Variants in ZFHX3 observed in about 807,000 individuals in gnomAD.
ZFHX3 encodes the protein zinc finger homeobox protein 3.
Under a neutral mutation model 279.1 loss-of-function variants are expected in ZFHX3, and 42 were observed. The observed-to-expected ratio is 0.15, with a 90% confidence interval of 0.12 to 0.19. The LOEUF (loss-of-function observed/expected upper bound fraction) is 0.19, where lower values mean the gene tolerates loss of function less well. Ranked by LOEUF, ZFHX3 falls within the 10% of genes least tolerant of loss-of-function variation. ZFHX3 has a pLI of 1.00. For missense variants in ZFHX3, 4,981 were observed against 4,754.0 expected (o/e 1.05, Z -1.40); for synonymous variants, 2,293 against 1,957.8 (o/e 1.17, Z -4.52).
In ZFHX3 at chr16:72,959,191, T is replaced by C. The variant is rs1230060575; in HGVS notation, c.955A>G (p.Asn319Asp). ...LSEDERKILS[N>D]KNISAIIQGI... ...TGGATGATAGCGGAGATGTTCTTAT[T>C]GCTAAGAATTTTCCGCTCGTCTTCG... Residue 319 changes from asparagine to aspartate, a missense_variant, in exon 2 of 10, where the codon AAT becomes GAT. By Grantham distance (23) the Asn-to-Asp change is conservative. Around this residue, in one of 7 missense-constraint regions of ZFHX3, gnomAD observed 1,068 missense variants for 935.2 expected, o/e 1.14. Transcript: ENST00000268489. 1 of 1,614,222 alleles carries C rather than the reference T, an allele frequency of 6.2e-7. No individual in the cohort carries two copies. Among genetic ancestry groups the C allele is most frequent in the Admixed American group, 1.7e-5 (1 of 60,034 alleles).
intron 1 of ZFHX3, among the ~76,000 whole-genome samples, chr16:73,775,099 A>G (rs1484388006): frequency 6.6e-6 from 1 of 152,212 alleles, no homozygotes; most frequent in African/African-American, 2.4e-5. Flanking sequence ...AACAAGATTC[A>G]AAACATGAGA....
intron 4 of ZFHX3, among the ~76,000 whole-genome samples, chr16:72,879,684 C>T (rs1217929434): frequency 6.6e-6 from 1 of 152,202 alleles, no homozygotes; most frequent in Non-Finnish European, 1.5e-5. Context: ...CCTCGGCCTC[C>T]CAAAGTGCTG....
chr16:72,850,998 C>T (rs532097284), intron 4 of ZFHX3, among the ~76,000 whole-genome samples: 14 of 152,126 alleles, frequency 9.2e-5, no homozygotes, highest in South Asian at 2.1e-4. Context: ...ACTGAGGCTG[C>T]GGTGCAGGGA....
chr16:73,138,430 G>A (rs779247285), intron 6 of ZFHX3, among the ~76,000 whole-genome samples: 5 of 152,152 alleles, frequency 3.3e-5, no homozygotes, highest in Non-Finnish European at 5.9e-5. Context: ...GGATCTGTCC[G>A]CTGCAGAGAG....
At chr16:73,517,327 T>A (rs978703554) in intron 2 of ZFHX3, among the ~76,000 whole-genome samples, 23 of 152,232 alleles carry the variant, frequency 1.5e-4, no homozygotes, top group Non-Finnish European at 8.8e-5. Flanking sequence ...TATCATCTCA[T>A]GCTCCCTCAA....
chr16:73,485,341 C>A (rs571167936), intron 2 of ZFHX3, among the ~76,000 whole-genome samples: 1 of 148,968 alleles, frequency 6.7e-6, no homozygotes, highest in African/African-American at 2.5e-5. Context: ...CCATTCCTTG[C>A]TAGTTTTAAA....
At chr16:73,077,740 AAGAC>A (rs1350119663) in intron 8 of ZFHX3, among the ~76,000 whole-genome samples, 1 of 152,220 alleles carries the variant, frequency 6.6e-6, no homozygotes, top group Non-Finnish European at 1.5e-5. Context: ...GTCAAGACCA[AAGAC>A]AGACAGAGTA....
intron 2 of ZFHX3, among the ~76,000 whole-genome samples, chr16:73,461,709 A>T (rs182569887): frequency 6.6e-6 from 1 of 152,246 alleles, no homozygotes; most frequent in South Asian, 2.1e-4. Context: ...GTGTGGGTCT[A>T]TTTCTGGGTT....
chr16:73,572,544 C>T (rs2051752733), intron 2 of ZFHX3, among the ~76,000 whole-genome samples: 1 of 152,190 alleles, frequency 6.6e-6, no homozygotes. Context: ...TTGAGCCTCC[C>T]CTCTCCGTAG....
At chr16:73,205,910 T>G (rs2011779683) in intron 5 of ZFHX3, among the ~76,000 whole-genome samples, 1 of 152,188 alleles carries the variant, frequency 6.6e-6, no homozygotes, top group Non-Finnish European at 1.5e-5. Context: ...CTAACATGAT[T>G]ATGTATGCAA....
intron 3 of ZFHX3, among the ~76,000 whole-genome samples, chr16:72,896,603 G>A (rs1309950209): frequency 6.6e-6 from 1 of 152,204 alleles, no homozygotes; most frequent in Non-Finnish European, 1.5e-5. Flanking sequence ...AAGTCAAAGA[G>A]ACGAAAAGAG....
intron 4 of ZFHX3, among the ~76,000 whole-genome samples, chr16:72,858,157 G>A (rs922686761): frequency 2.0e-5 from 3 of 152,170 alleles, no homozygotes; most frequent in Non-Finnish European, 4.4e-5. Flanking sequence ...GGCCTTTCTG[G>A]TCAACACCTC....
chr16:73,681,324 C>A (rs766247302), intron 1 of ZFHX3, among the ~76,000 whole-genome samples: 1 of 152,134 alleles, frequency 6.6e-6, no homozygotes. Context: ...TAAGAATGAT[C>A]GTCCAAAGCG....
At chr16:73,041,033 G>C (rs148468558) in intron 1 of ZFHX3, among the ~76,000 whole-genome samples, 5 of 152,356 alleles carry the variant, frequency 3.3e-5, no homozygotes, top group African/African-American at 1.2e-4. Context: ...CAAAGAGTGG[G>C]CTTTTTTGAT....
chr16:73,303,180 C>G (rs961930233), intron 4 of ZFHX3, among the ~76,000 whole-genome samples: 2 of 152,070 alleles, frequency 1.3e-5, no homozygotes, highest in African/African-American at 4.8e-5. Context: ...AGGCACACAC[C>G]ACCATGCCTG....
intron 7 of ZFHX3, among the ~76,000 whole-genome samples, chr16:73,109,214 GT>G (rs746942440): frequency 6.6e-6 from 1 of 152,238 alleles, no homozygotes; most frequent in Non-Finnish European, 1.5e-5. Context: ...GAATGAGGAT[GT>G]GAACGCATGC....
At chr16:73,699,547 G>A (rs2053228320) in intron 1 of ZFHX3, among the ~76,000 whole-genome samples, 1 of 152,094 alleles carries the variant, frequency 6.6e-6, no homozygotes, top group Admixed American at 6.5e-5. Context: ...TATCTATCCA[G>A]GGAAAACAGT....
intron 3 of ZFHX3, among the ~76,000 whole-genome samples, chr16:73,362,693 G>C (rs114505359): frequency 1.3e-5 from 2 of 152,258 alleles, no homozygotes; most frequent in African/African-American, 2.4e-5. Context: ...CCACCAGCCA[G>C]TGGCACTGTC....
rs375749123 is a variant in ZFHX3 at position 73,166,623 on chromosome 16, C to G, written c.-1103-22792G>C. ...GGGTCTGCTGCATGGTTACCCTTGT[C>G]AGGTTAATTTCCTGTGTGCTCCCTC... is the stretch of plus-strand genomic sequence containing the variant. On this transcript the variant is annotated intron_variant, in intron 5 of 17. Coordinates refer to the ZFHX3 transcript ENST00000641206. 7.3e-4 allele frequency among the ~76,000 whole-genome samples: 111 copies of G among 152,224 alleles called. 2 individuals are homozygous for G. The South Asian group carries it at 0.022, about 30-fold the overall frequency.
Sources: gnomAD v4.1 joint callset for allele counts (sites outside exome capture counted in the v4.1 genomes callset) on GRCh38, gnomAD v4.1.1 for gene constraint, gnomAD v4.1.1 regional missense constraint, MANE v1.5 for transcripts, NCBI Gene and HGNC (gene_info 2026-07-23, HGNC 2026-07-21) for gene names.